The following ZNF488 variants were observed in gnomAD, a reference collection of about 807,000 sequenced individuals.
ZNF488 encodes the protein zinc finger protein 488.
In ZNF488, 1 loss-of-function variant was observed where a neutral mutation model predicts 1.2. The observed-to-expected ratio is 0.86, with a 90% CI of 0.30 to 4.07. The LOEUF is 4.07. Among genes scored for constraint, ZNF488 ranks in the 30% most tolerant of loss-of-function variants. The pLI is 0.18. For missense variants in ZNF488, 450 were observed against 437.9 expected (o/e 1.03, Z -0.25); for synonymous variants, 185 against 190.1 (o/e 0.97, Z 0.22).
intron 1 of ZNF488, among the ~76,000 whole-genome samples, chr10:47,372,123 C>G (rs531762706): frequency 6.6e-6 from 1 of 152,348 alleles, no homozygotes; most frequent in African/African-American, 2.4e-5. Flanking sequence ...ATGTGCCAGG[C>G]TCCAGTCTAC....
Position 47,367,607 on chromosome 10 carries a change from C to A in ZNF488, c.*200G>T, listed in dbSNP as rs1399827796. The stretch of plus-strand genomic sequence containing the variant: ...TACCCTGGATTTGCAAAGCCCATCA[C>A]TTTATTTCAGGACTTCATTTCCTTC... On this transcript the variant is annotated 3_prime_UTR_variant, in exon 2 of 2. Coordinates refer to ENST00000585316, the MANE Select transcript of ZNF488 (RefSeq NM_153034.4). The A allele has an allele frequency of 5.9e-6, 4 of 682,144 alleles. No individual in the cohort carries two copies. Among genetic ancestry groups the A allele is most frequent in the South Asian group, 2.1e-5 (1 of 48,090 alleles). 42.3% of individuals were successfully genotyped at this position (682,144 alleles called of 1,614,324 possible).
At chr10:47,379,272 T>A (rs1174666290) in intron 1 of ZNF488, among the ~76,000 whole-genome samples, 1 of 152,156 alleles carries the variant, frequency 6.6e-6, no homozygotes, top group Non-Finnish European at 1.5e-5. Flanking sequence ...AAGCTATGTG[T>A]CTCAATTCAG....
intron 1 of ZNF488, among the ~76,000 whole-genome samples, chr10:47,376,984 C>T (rs1362845361): frequency 6.6e-6 from 1 of 152,210 alleles, no homozygotes; most frequent in Non-Finnish European, 1.5e-5. Flanking sequence ...CATGCTGACT[C>T]GGGTTGCAGA....
chr10:47,370,606 G>A (rs1414791239), intron 1 of ZNF488, among the ~76,000 whole-genome samples: 2 of 152,226 alleles, frequency 1.3e-5, no homozygotes, highest in Admixed American at 1.3e-4. Context: ...TGCCTAACAG[G>A]AGAGGGAAAT....
Position 47,367,376 on chromosome 10 carries a change from CA to C in ZNF488, c.*430del, listed in dbSNP as rs782357116. Reference sequence around the variant, plus strand: ...TGCTGGCCACTTTCCACACACCTTTCATGTGACCTGAATGCCAACCTAAGAC... The same window carrying C: ...TGCTGGCCACTTTCCACACACCTTTCTGTGACCTGAATGCCAACCTAAGAC... On this transcript the variant is annotated 3_prime_UTR_variant, in exon 2 of 2. Coordinates refer to ENST00000585316, the MANE Select transcript of ZNF488 (RefSeq NM_153034.4). 14 of 194,058 alleles carry C rather than the reference CA, an allele frequency of 7.2e-5. No homozygotes were observed. The highest frequency in any genetic ancestry group is 1.5e-4 in the Non-Finnish European group (13 of 85,570). The allele number at this position is 194,058 out of a possible 1,614,324, so 12.0% of individuals were successfully genotyped here.
chr10:47,368,263 C>T lies in ZNF488; in HGVS notation c.567G>A (p.Leu189=). ...VFPAGESADA[L]GELSGLLNTT... is the part of the protein sequence containing the mutation. ...TGTTGAGGAGTCCAGACAGCTCCCC[C>T]AGGGCATCTGCAGATTCCCCTGCAG... Residue 189 remains leucine (L), a synonymous_variant, in exon 2 of 2, where the codon CTG becomes CTA. Transcript: ENST00000585316. 6.2e-7 allele frequency: 1 copy of T among 1,614,210 alleles called. No homozygotes were observed. Among genetic ancestry groups the T allele is most frequent in the Non-Finnish European group, 8.5e-7 (1 of 1,180,040 alleles).
Position 47,367,775 on chromosome 10 carries a change from C to T in ZNF488, c.*32G>A. 4 of 1,579,262 alleles carry T rather than the reference C, an allele frequency of 2.5e-6. No homozygotes were observed. Among genetic ancestry groups the T allele is most frequent in the Non-Finnish European group, 3.4e-6 (4 of 1,162,966 alleles). The stretch of plus-strand genomic sequence containing the variant: ...GCCCCCCTCTGCCAAAGGCTGGCTG[C>T]TGCACCCAGCAGGTCATTCTGCGGT... On this transcript the variant is annotated 3_prime_UTR_variant, in exon 2 of 2. Transcript: ENST00000585316.
intron 1 of ZNF488, among the ~76,000 whole-genome samples, chr10:47,379,619 C>T (rs1329018952): frequency 6.6e-6 from 1 of 152,256 alleles, no homozygotes; most frequent in African/African-American, 2.4e-5. Flanking sequence ...AAGGGCCAGA[C>T]CGAAGACCTG....
chr10:47,377,328 C>T (rs979922422), intron 1 of ZNF488, among the ~76,000 whole-genome samples: 6 of 152,162 alleles, frequency 3.9e-5, no homozygotes, highest in Non-Finnish European at 2.9e-5. Flanking sequence ...ATAGCTCAAT[C>T]CCGGTCTTTT....
At chr10:47,369,444 G>A (rs886959064) in intron 1 of ZNF488, among the ~76,000 whole-genome samples, 4 of 152,304 alleles carry the variant, frequency 2.6e-5, no homozygotes, top group East Asian at 3.9e-4. Context: ...CAGGGAGGCC[G>A]CAGCATGAGG....
chr10:47,375,964 C>T (rs1236769317), intron 1 of ZNF488, among the ~76,000 whole-genome samples: 1 of 152,146 alleles, frequency 6.6e-6, no homozygotes, highest in Non-Finnish European at 1.5e-5. Context: ...AGACGTAAAT[C>T]GAGAGTGTTT....
Position 47,368,550 on chromosome 10 carries a change from G to A in ZNF488, c.280C>T (p.Arg94Cys), listed in dbSNP as rs781887190. 1.7e-5 allele frequency: 27 copies of A among 1,613,174 alleles called. No homozygotes were observed. The highest frequency in any genetic ancestry group is 2.2e-5 in the East Asian group (1 of 44,886). Residue 94 changes from arginine to cysteine, a missense_variant, in exon 2 of 2, where the codon CGT (arginine) becomes TGT (cysteine). Arg to Cys is a radical substitution (Grantham distance 180). Transcript: ENST00000585316. ...RPGKPLPPKT[R>C]GEQRQSAFTE... Reference sequence around the variant, plus strand: ...AAGGCGCTCTGCCTCTGCTCTCCACGTGTCTTCGGGGGCAGCGGCTTGCCA... The same window carrying A: ...AAGGCGCTCTGCCTCTGCTCTCCACATGTCTTCGGGGGCAGCGGCTTGCCA...
At chr10:47,377,738 C>T (rs1194305522) in intron 1 of ZNF488, among the ~76,000 whole-genome samples, 1 of 151,034 alleles carries the variant, frequency 6.6e-6, no homozygotes, top group Non-Finnish European at 1.5e-5. Context: ...CCGGAGGCGC[C>T]GGCTCAGCCC....
intron 1 of ZNF488, 45 bp from the exon 2 acceptor site, chr10:47,368,982 C>G: frequency 1.2e-6 from 1 of 864,498 alleles, no homozygotes; most frequent in African/African-American, 1.7e-5. Context: ...GCATTCATCA[C>G]TCAGGCACAG....
chr10:47,379,885 C>G (rs1454019201), intron 1 of ZNF488, among the ~76,000 whole-genome samples: 1 of 152,260 alleles, frequency 6.6e-6, no homozygotes, highest in East Asian at 1.9e-4. Context: ...TGGTCAGAGC[C>G]CTGAGCACAC....
At chr10:47,369,593 C>T (rs1837388570) in intron 1 of ZNF488, among the ~76,000 whole-genome samples, 1 of 152,208 alleles carries the variant, frequency 6.6e-6, no homozygotes, top group African/African-American at 2.4e-5. Flanking sequence ...GTCCACATCA[C>T]ATGCCCTGTC....
At chr10:47,370,279 T>C (rs1275343035) in intron 1 of ZNF488, among the ~76,000 whole-genome samples, 1 of 152,230 alleles carries the variant, frequency 6.6e-6, no homozygotes, top group African/African-American at 2.4e-5. Context: ...AGCAGAAGGG[T>C]ATGCTTTGCT....
In ZNF488 at chr10:47,368,499, G is replaced by C. The variant is rs552091559; in HGVS notation, c.331C>G (p.Arg111Gly). 8.1e-6 allele frequency: 13 copies of C among 1,613,678 alleles called. No homozygotes were observed. In the East Asian group the frequency reaches 2.5e-4, roughly 30 times the overall value. Residue 111 changes from arginine (R) to glycine (G), a missense_variant, in exon 2 of 2, where the codon CGG (arginine) becomes GGG (glycine). Coordinates refer to ENST00000585316, the MANE Select transcript of ZNF488 (RefSeq NM_153034.4). ...TCCTGGGCCTGAGCATCCACCTGCC[G>C]GTCCTTCATCCTCGGCAGCTCCGTG... ...AFTELPRMKD[R>G]QVDAQAQERE...
chr10:47,369,006 G>A (rs536709510), intron 1 of ZNF488, 69 bp from the exon 2 acceptor site: 14 of 710,966 alleles, frequency 2.0e-5, no homozygotes, highest in Admixed American at 3.2e-5. Context: ...ATCATGAGCT[G>A]GCATCAGACA....
Sources: allele counts gnomAD v4.1 joint callset (sites outside exome capture counted in the v4.1 genomes callset), GRCh38; gene constraint gnomAD v4.1.1; transcripts MANE v1.5; gene names NCBI Gene and HGNC (gene_info 2026-07-23, HGNC 2026-07-21).